The following R3HCC1 variants were observed in gnomAD, a reference collection of about 807,000 sequenced individuals.
R3HCC1 encodes the protein R3H and coiled-coil domain-containing protein 1.
In R3HCC1, 32 loss-of-function variants were observed where a neutral mutation model predicts 40.0. That is an observed-to-expected ratio of 0.80 (90% CI 0.60 to 1.07). R3HCC1 has a LOEUF of 1.07. Ranked by LOEUF, R3HCC1 falls within the 50% of genes least tolerant of loss-of-function variation. The probability of loss-of-function intolerance (pLI) is 0.00; values close to 1 mark genes in which losing one functional copy is unlikely to be tolerated. For missense variants in R3HCC1, 586 were observed against 563.3 expected, an observed-to-expected ratio of 1.04 and a Z score of -0.41; for synonymous variants, 237 against 232.8, an observed-to-expected ratio of 1.02 and a Z score of -0.17.
chr8:23,293,495 G>A (rs1399330755), intron 6 of R3HCC1, 122 bp downstream of exon 6: 2 of 728,348 alleles, frequency 2.7e-6, no homozygotes, highest in Non-Finnish European at 4.5e-6. Context: ...GTAGGCTCTG[G>A]GGGTTTTGTT....
intron 5 of R3HCC1, among the ~76,000 whole-genome samples, chr8:23,292,273 A>C (rs1382006850): frequency 3.3e-5 from 5 of 152,012 alleles, no homozygotes; most frequent in Non-Finnish European, 4.4e-5. Context: ...GACTACAGGC[A>C]TGTGCCACCG....
Position 23,294,818 on chromosome 8 carries a change from C to A in R3HCC1, c.1146C>A (p.Leu382=). ...TCTCGGTGCTCAAGATCCGGCCCCT[C>A]ACACAGGGAACCAAGCAGTCAAAGC... The change falls in exon 7 of 8, where the codon CTC becomes CTA. Residue 382 remains leucine, a synonymous_variant. Transcript: ENST00000265806. 6.4e-7 allele frequency: 1 copy of A among 1,551,446 alleles called. No individual in the cohort carries two copies. Among genetic ancestry groups the A allele is most frequent in the Admixed American group, 2.0e-5 (1 of 50,998 alleles).
At chr8:23,290,805 A>G (rs1177186195) in intron 4 of R3HCC1, among the ~76,000 whole-genome samples, 1 of 152,184 alleles carries the variant, frequency 6.6e-6, no homozygotes, top group Non-Finnish European at 1.5e-5. Flanking sequence ...TGTGTTACGG[A>G]TGCCAGTCAT....
At position 23,288,175 on chromosome 8, in the gene R3HCC1, G is replaced by A. The variant is rs371865314; in HGVS notation, c.-19+18G>A. 15 of 1,205,658 alleles carry A rather than the reference G, an allele frequency of 1.2e-5. No individual in the cohort carries two copies. The highest frequency in any genetic ancestry group is 4.8e-5 in the African/African-American group (3 of 62,090). 74.7% of individuals were successfully genotyped at this position (1,205,658 alleles called of 1,614,324 possible). A position where few individuals can be genotyped will look rare whatever the true frequency, so the allele number is the denominator to read the frequency against. On this transcript the variant is annotated intron_variant, in intron 1 of 7. Coordinates refer to ENST00000265806, the MANE Select transcript of R3HCC1 (RefSeq NM_001136108.3). ...AGGCCGCGGTGAGTGCAGCAGCACT[G>A]GGGGGGTGGTCGTCCCGACCCCCGG...
In R3HCC1 at chr8:23,291,495, C is replaced by G. The variant is rs1209558191; in HGVS notation, c.987C>G (p.Leu329=). 3.2e-6 allele frequency: 5 copies of G among 1,551,380 alleles called. No individual in the cohort carries two copies. In the South Asian group the frequency reaches 4.8e-5, roughly 15 times the overall value. Reference sequence around the variant, plus strand: ...AGATCTATGACTTTGAACCAGCGCTCAAGACGGAGGACCTGCTGGCAACGT... The same window carrying G: ...AGATCTATGACTTTGAACCAGCGCTGAAGACGGAGGACCTGCTGGCAACGT... Residue 329 remains leucine, a synonymous_variant, in exon 5 of 8, where the codon CTC becomes CTG. Transcript: ENST00000265806.
At chr8:23,288,299 G>T in intron 1 of R3HCC1, 142 bp downstream of exon 1, 1 of 1,107,314 alleles carries the variant, frequency 9.0e-7, no homozygotes, top group East Asian at 3.1e-5. Context: ...CTCAGCATCC[G>T]ACCGCAGGCG....
intron 7 of R3HCC1, among the ~76,000 whole-genome samples, 185 bp from the exon 8 acceptor site, chr8:23,295,782 G>C (rs1309339634): frequency 6.6e-6 from 1 of 152,210 alleles, no homozygotes; most frequent in Non-Finnish European, 1.5e-5. Flanking sequence ...TCCCCTGGGG[G>C]GCCAGGATCC....
chr8:23,293,203 G>C, intron 5 of R3HCC1, 100 bp from the exon 6 acceptor site: 3 of 897,202 alleles, frequency 3.3e-6, no homozygotes, highest in Non-Finnish European at 5.3e-6. Context: ...CAGGCTGGTG[G>C]CATCTGCGGG....
At chr8:23,294,962 G>A in intron 7 of R3HCC1, 98 bp downstream of exon 7, 1 of 905,390 alleles carries the variant, frequency 1.1e-6, no homozygotes, top group Non-Finnish European at 1.8e-6. Context: ...GTTTGGGCAG[G>A]GTCTTCCCCT....
chr8:23,290,422 G>A lies in R3HCC1; in HGVS notation c.805G>A (p.Gly269Ser), dbSNP rs1802842586. Residue 269 changes from glycine (G) to serine (S), a missense_variant, in exon 4 of 8, where the codon GGC becomes AGC. Coordinates refer to ENST00000265806, the MANE Select transcript of R3HCC1 (RefSeq NM_001136108.3). ...GGACGAAGAGGAGGTGGAAGAGGAT[G>A]GCCCCAGCAGCTGCTCGGAGGACGA... is the stretch of plus-strand genomic sequence containing the variant. 1 of 1,551,618 alleles carries A rather than the reference G, an allele frequency of 6.4e-7. No individual in the cohort carries two copies.
Position 23,296,254 on chromosome 8 carries a change from TAAA to T in R3HCC1, c.*160_*162del, listed in dbSNP as rs1366391075. ...TTTAGTCCCAGAAATGGAGAAAAAA[TAAA>T]AACTCACGTTGTTCTAATGTGATCA... is the stretch of plus-strand genomic sequence containing the variant. On this transcript the variant is annotated 3_prime_UTR_variant, in exon 8 of 8. Coordinates refer to ENST00000265806, the MANE Select transcript of R3HCC1 (RefSeq NM_001136108.3). 1 of 886,238 alleles carries T rather than the reference TAAA, an allele frequency of 1.1e-6. No individual in the cohort carries two copies. The highest frequency in any genetic ancestry group is 1.6e-6 in the Non-Finnish European group (1 of 615,854). The allele number at this position is 886,238 out of a possible 1,614,324, so 54.9% of individuals were successfully genotyped here.
intron 7 of R3HCC1, 190 bp from the exon 8 acceptor site, chr8:23,295,777 T>C: frequency 1.3e-6 from 1 of 793,342 alleles, no homozygotes; most frequent in African/African-American, 1.7e-5. Flanking sequence ...CAGCATCCCC[T>C]GGGGGGCCAG....
At chr8:23,288,979 G>A in intron 2 of R3HCC1, 37 bp from the exon 3 acceptor site, 1 of 1,534,816 alleles carries the variant, frequency 6.5e-7, no homozygotes, top group Non-Finnish European at 8.7e-7. Flanking sequence ...GCCAGGCCCT[G>A]GACACCTGCT....
intron 3 of R3HCC1, among the ~76,000 whole-genome samples, chr8:23,289,424 G>T (rs368241340): frequency 6.6e-6 from 1 of 152,170 alleles, no homozygotes; most frequent in Admixed American, 6.5e-5. Context: ...GTGGCGGGGG[G>T]CCTCCCTAGC....
rs1332478531 is a variant in R3HCC1, at chr8:23,296,153, C to A, written c.*56C>A. ...GTCCCGACGTAGCTGGCGCCCCCAA[C>A]ACCATAAGCCTTCACAGACGCCAGA... On this transcript the variant is annotated 3_prime_UTR_variant, in exon 8 of 8. Transcript: ENST00000265806. 2.0e-6 allele frequency: 3 copies of A among 1,509,880 alleles called. No individual in the cohort carries two copies. Among genetic ancestry groups the A allele is most frequent in the Non-Finnish European group, 1.8e-6 (2 of 1,125,848 alleles). 93.5% of individuals were successfully genotyped at this position (1,509,880 alleles called of 1,614,324 possible).
chr8:23,295,634 C>G, intron 7 of R3HCC1: 1 of 472,102 alleles, frequency 2.1e-6, no homozygotes, highest in East Asian at 4.6e-5. Flanking sequence ...TCTGTGAGCT[C>G]TGGGTGTTCC....
intron 3 of R3HCC1, 29 bp downstream of exon 3, chr8:23,289,182 G>A (rs1360998338): frequency 6.5e-7 from 1 of 1,534,488 alleles, no homozygotes; most frequent in Non-Finnish European, 8.7e-7. Context: ...TGAAGTGCCT[G>A]CAGCGGTGGT....
Position 23,288,602 on chromosome 8 carries a change from G to A in R3HCC1, c.79G>A (p.Asp27Asn). The change falls in exon 2 of 8, where the codon GAC becomes AAC. Residue 27 changes from aspartate (D) to asparagine (N), a missense_variant. Asp to Asn is a conservative substitution (Grantham distance 23). Coordinates refer to ENST00000265806, the MANE Select transcript of R3HCC1 (RefSeq NM_001136108.3). ...CGTCCACCGGATCCAGGAGGAACTG[G>A]ACCGCTTTCTGCTGCAGAAGCAGCT... The A allele has an allele frequency of 6.5e-7, 1 of 1,536,010 alleles. No individual in the cohort carries two copies. The highest frequency in any genetic ancestry group is 8.7e-7 in the Non-Finnish European group (1 of 1,146,886).
At chr8:23,295,782 G>A (rs1309339634) in intron 7 of R3HCC1, among the ~76,000 whole-genome samples, 185 bp from the exon 8 acceptor site, 1 of 152,210 alleles carries the variant, frequency 6.6e-6, no homozygotes, top group South Asian at 2.1e-4. Flanking sequence ...TCCCCTGGGG[G>A]GCCAGGATCC....
Sources: allele counts gnomAD v4.1 joint callset (sites outside exome capture counted in the v4.1 genomes callset), GRCh38; gene constraint gnomAD v4.1.1; transcripts MANE v1.5; gene names NCBI Gene and HGNC (gene_info 2026-07-23, HGNC 2026-07-21).